The following KLF8 variants were observed in gnomAD, a reference collection of about 807,000 sequenced individuals.
KLF8 encodes KLF transcription factor 8.
A neutral mutation model predicts 18.2 loss-of-function variants in KLF8; 10 were observed. That is an observed-to-expected ratio of 0.55 (90% CI 0.34 to 0.93). KLF8 has a LOEUF of 0.93. KLF8 is among the 40% of genes least tolerant of loss of function. KLF8 has a pLI of 0.02. For synonymous variants in KLF8, 109 were observed against 97.3 expected, an observed-to-expected ratio of 1.12 and a Z score of -0.71; for missense variants, 264 against 277.9, an observed-to-expected ratio of 0.95 and a Z score of 0.36.
In KLF8 at chrX:56,250,263, C is replaced by T. The variant is rs1375431500; in HGVS notation, c.40C>T (p.Gln14Ter). 1 of 1,207,487 alleles carries T rather than the reference C, an allele frequency of 8.3e-7. No individual in the cohort carries two copies. The highest frequency in any genetic ancestry group is 1.8e-5 in the South Asian group (1 of 56,725). Residue 14 changes from glutamine (Q) to a stop codon, truncating the protein, a stop_gained, in exon 2 of 6, where the codon CAA becomes TAA. Transcript: ENST00000468660. LOFTEE classifies it high-confidence loss of function. ...TAAACTCATAAACAACTTGGAGGTC[C>T]AACTTAATTCAGAAGGTGGCTCAAT... is the stretch of plus-strand genomic sequence containing the variant. ...MDKLINNLEVQLNSEGGSMQV... is the reference protein window; with the variant it reads ...MDKLINNLEV
intron 4 of KLF8, among the ~76,000 whole-genome samples, 167 bp from the exon 5 acceptor site, chrX:56,270,015 T>C (rs1602457250): frequency 8.9e-6 from 1 of 111,880 alleles, no homozygotes; most frequent in East Asian, 2.8e-4. Flanking sequence ...AATGGCCTAG[T>C]TGACAGAATT....
the KLF8 span, among the ~76,000 whole-genome samples, chrX:55,964,413 A>C: frequency 9.0e-6 from 1 of 111,162 alleles, no homozygotes; most frequent in Non-Finnish European, 1.9e-5. Flanking sequence ...TCACCTGTAT[A>C]AAAAAATGCA....
the KLF8 span, among the ~76,000 whole-genome samples, chrX:56,169,372 A>T: frequency 1.8e-5 from 2 of 111,022 alleles, no homozygotes; most frequent in Non-Finnish European, 3.8e-5. Flanking sequence ...CCACAGGAGG[A>T]TAGAGCGGCA....
the KLF8 span, among the ~76,000 whole-genome samples, chrX:56,188,678 A>G: frequency 1.8e-5 from 2 of 112,027 alleles, no homozygotes; most frequent in Non-Finnish European, 3.8e-5. Flanking sequence ...AGACATATAG[A>G]TCAATGAAAC....
upstream of KLF8, among the ~76,000 whole-genome samples, chrX:56,229,343 T>C (rs10126180): frequency 2.3e-3 from 259 of 112,240 alleles, no homozygotes; most frequent in African/African-American, 8.0e-3. Context: ...CTTGGATATA[T>C]AGAGGAAAGC....
the KLF8 span, among the ~76,000 whole-genome samples, chrX:56,185,861 G>A: frequency 9.0e-6 from 1 of 111,642 alleles, no homozygotes; most frequent in African/African-American, 3.3e-5. Flanking sequence ...CCCTAAAAGA[G>A]ATCCTGAAGG....
chrX:55,948,539 A>T, the KLF8 span, among the ~76,000 whole-genome samples: 1 of 112,228 alleles, frequency 8.9e-6, no homozygotes, highest in Non-Finnish European at 1.9e-5. Flanking sequence ...TACCATATAT[A>T]GCATATAGCA....
chrX:56,131,282 G>A, the KLF8 span, among the ~76,000 whole-genome samples: 1 of 112,108 alleles, frequency 8.9e-6, no homozygotes, highest in Non-Finnish European at 1.9e-5. Flanking sequence ...CAGATTAATA[G>A]CAGATTTCTC....
chrX:55,934,538 A>C, the KLF8 span, among the ~76,000 whole-genome samples: 1 of 112,246 alleles, frequency 8.9e-6, no homozygotes, highest in Non-Finnish European at 1.9e-5. Context: ...AATCAGTGAA[A>C]GTTATTCCAT....
the KLF8 span, among the ~76,000 whole-genome samples, chrX:56,185,581 C>T: frequency 5.4e-5 from 6 of 111,383 alleles, no homozygotes; most frequent in Admixed American, 1.9e-4. Context: ...GTCAGATTCT[C>T]CAAAGTTGAA....
the KLF8 span, among the ~76,000 whole-genome samples, chrX:56,020,705 T>C: frequency 1.8e-5 from 2 of 111,744 alleles, no homozygotes; most frequent in African/African-American, 6.5e-5. Context: ...AGACGGCCTA[T>C]TGTAAATACA....
the KLF8 span, among the ~76,000 whole-genome samples, chrX:56,024,101 G>T: frequency 1.8e-5 from 2 of 111,527 alleles, no homozygotes; most frequent in African/African-American, 6.5e-5. Context: ...TTATGAGATT[G>T]AATGTTTCCA....
chrX:56,060,136 G>C, the KLF8 span, among the ~76,000 whole-genome samples: 1 of 111,663 alleles, frequency 9.0e-6, no homozygotes, highest in East Asian at 2.8e-4. Flanking sequence ...CTGCAAAAGA[G>C]ACAATCTGAC....
chrX:56,047,735 T>C, the KLF8 span, among the ~76,000 whole-genome samples: 25 of 111,551 alleles, frequency 2.2e-4, no homozygotes, highest in Non-Finnish European at 3.0e-4. Context: ...TACGTGTGAA[T>C]GTGTCTTTAT....
At chrX:56,035,754 T>C in the KLF8 span, among the ~76,000 whole-genome samples, 3 of 112,246 alleles carry the variant, frequency 2.7e-5, no homozygotes, top group East Asian at 8.3e-4. Context: ...TGGCCATTTA[T>C]ATGTCTTCTT....
the KLF8 span, among the ~76,000 whole-genome samples, chrX:55,998,954 TA>T: frequency 9.0e-6 from 1 of 110,605 alleles, no homozygotes; most frequent in South Asian, 3.8e-4. Context: ...GGTTTTCTTC[TA>T]GTATTTTTAT....
At chrX:56,038,116 A>G in the KLF8 span, among the ~76,000 whole-genome samples, 2 of 112,220 alleles carry the variant, frequency 1.8e-5, no homozygotes, top group African/African-American at 3.2e-5. Flanking sequence ...CTCAGTTTGC[A>G]TAATGATTTT....
the KLF8 span, among the ~76,000 whole-genome samples, chrX:56,188,619 A>G: frequency 2.7e-5 from 3 of 112,052 alleles, no homozygotes; most frequent in Non-Finnish European, 5.6e-5. Context: ...ACTTCAAACT[A>G]TACTACAATG....
the KLF8 span, among the ~76,000 whole-genome samples, chrX:55,940,341 A>G: frequency 8.9e-6 from 1 of 112,039 alleles, no homozygotes; most frequent in Non-Finnish European, 1.9e-5. Context: ...TTCATGCTAA[A>G]AACTCTCAAT....
Sources: gnomAD v4.1 joint callset for allele counts (sites outside exome capture counted in the v4.1 genomes callset) on GRCh38, gnomAD v4.1.1 for gene constraint, MANE v1.5 for transcripts, NCBI Gene and HGNC (gene_info 2026-07-23, HGNC 2026-07-21) for gene names.